The following CSMD1 variants were observed in gnomAD, a reference collection of about 807,000 sequenced individuals.
CSMD1 encodes the protein CUB and sushi domain-containing protein 1.
In CSMD1, 213 loss-of-function variants were observed where a neutral mutation model predicts 417.5. That is an observed-to-expected ratio of 0.51 (90% CI 0.46 to 0.57). The LOEUF (loss-of-function observed/expected upper bound fraction) is 0.57, where lower values mean the gene tolerates loss of function less well. Ranked by LOEUF, CSMD1 falls within the 20% of genes least tolerant of loss-of-function variation. The probability of loss-of-function intolerance (pLI) is 0.00; values close to 1 mark genes in which losing one functional copy is unlikely to be tolerated. For missense variants in CSMD1, 6,923 were observed against 4,529.7 expected (o/e 1.53, Z -15.17); for synonymous variants, 2,862 against 1,736.8 (o/e 1.65, Z -16.11).
chr8:4,440,946 G>C (rs560212303), intron 2 of CSMD1, among the ~76,000 whole-genome samples: 35 of 150,678 alleles, frequency 2.3e-4, no homozygotes, highest in African/African-American at 8.5e-4. Flanking sequence ...GCAGCGAGCC[G>C]AGATCATGCC....
At chr8:4,103,328 C>G (rs1048866391) in intron 3 of CSMD1, among the ~76,000 whole-genome samples, 1 of 151,278 alleles carries the variant, frequency 6.6e-6, no homozygotes, top group African/African-American at 2.4e-5. Context: ...CATCAATATT[C>G]TCCAGAGTAG....
intron 3 of CSMD1, among the ~76,000 whole-genome samples, chr8:4,264,850 A>T (rs1804140606): frequency 6.6e-6 from 1 of 152,208 alleles, no homozygotes; most frequent in South Asian, 2.1e-4. Context: ...TCAATCCTAG[A>T]TGAGTAAATT....
chr8:3,715,762 C>A (rs1446954201), intron 6 of CSMD1, among the ~76,000 whole-genome samples: 2 of 152,138 alleles, frequency 1.3e-5, no homozygotes, highest in Non-Finnish European at 2.9e-5. Flanking sequence ...AAACTGGTCT[C>A]AAACTCCCGA....
chr8:4,816,960 C>A (rs1186126480), intron 1 of CSMD1, among the ~76,000 whole-genome samples: 1 of 152,220 alleles, frequency 6.6e-6, no homozygotes, highest in East Asian at 1.9e-4. Context: ...AGGACAGCTA[C>A]CATTTAACAG....
At chr8:4,716,197 T>C (rs952190937) in intron 1 of CSMD1, among the ~76,000 whole-genome samples, 34 of 152,258 alleles carry the variant, frequency 2.2e-4, no homozygotes, top group Middle Eastern at 3.4e-3. Context: ...CGCCACCCAA[T>C]GGGGACTGCT....
intron 5 of CSMD1, among the ~76,000 whole-genome samples, chr8:3,899,013 G>C (rs1047943935): frequency 4.6e-5 from 7 of 152,168 alleles, no homozygotes; most frequent in Non-Finnish European, 8.8e-5. Context: ...TGTGCTAGAA[G>C]CCACAAAGGT....
chr8:4,874,776 A>AATAGAG (rs898938490), intron 1 of CSMD1, among the ~76,000 whole-genome samples: 3 of 151,180 alleles, frequency 2.0e-5, no homozygotes, highest in Non-Finnish European at 2.9e-5. Context: ...GACAGAAAGA[A>AATAGAG]ATAGAGATAG....
intron 6 of CSMD1, among the ~76,000 whole-genome samples, chr8:3,709,367 G>A (rs1050868827): frequency 6.6e-6 from 1 of 152,134 alleles, no homozygotes; most frequent in East Asian, 1.9e-4. Flanking sequence ...GTGGCCCCAT[G>A]ACCTAGGTAA....
At chr8:4,321,657 G>T (rs867580789) in intron 3 of CSMD1, among the ~76,000 whole-genome samples, 1 of 152,146 alleles carries the variant, frequency 6.6e-6, no homozygotes, top group Non-Finnish European at 1.5e-5. Flanking sequence ...TAGTGGTAAA[G>T]ATAAAAGAGC....
chr8:3,592,931 T>C (rs567131459), intron 8 of CSMD1, among the ~76,000 whole-genome samples: 29 of 152,058 alleles, frequency 1.9e-4, no homozygotes, highest in African/African-American at 6.7e-4. Context: ...GTGGAATCGA[T>C]GAGTTGCCCA....
chr8:2,996,584 C>T (rs1806918457), intron 54 of CSMD1, among the ~76,000 whole-genome samples: 1 of 152,212 alleles, frequency 6.6e-6, no homozygotes, highest in African/African-American at 2.4e-5. Context: ...TCACCGCTAG[C>T]TCTCTTGAGC....
chr8:4,434,923 A>G (rs1341282887), intron 2 of CSMD1, among the ~76,000 whole-genome samples: 1 of 152,218 alleles, frequency 6.6e-6, no homozygotes, highest in African/African-American at 2.4e-5. Flanking sequence ...TCTGCATGAC[A>G]AAGTGACAAC....
At chr8:3,741,150 G>A (rs7005524) in intron 6 of CSMD1, among the ~76,000 whole-genome samples, 41,754 of 148,954 alleles carry the variant, frequency 0.28, 6,786 homozygotes, top group East Asian at 0.48. Context: ...GGAGGTGGAG[G>A]TTGCAGTGAG....
rs573338135 is a variant in CSMD1, at chr8:3,525,684, A to G, written c.1345-31958T>C. Among the ~76,000 whole-genome samples, 65 of 152,310 alleles carry G rather than the reference A, an allele frequency of 4.3e-4. 1 individual carries two copies. Among genetic ancestry groups the G allele is most frequent in the Admixed American group, 3.9e-3 (60 of 15,302 alleles). ...AATCAATGGAATTAAATGCTGCTCT[A>G]TGTACCCAGCTTCCTATGAACCACT... On this transcript the variant is annotated intron_variant, in intron 10 of 69. Coordinates refer to ENST00000635120, the MANE Select transcript of CSMD1 (RefSeq NM_033225.6).
chr8:3,874,339 G>C (rs572008017), intron 5 of CSMD1, among the ~76,000 whole-genome samples: 1 of 152,084 alleles, frequency 6.6e-6, no homozygotes, highest in African/African-American at 2.4e-5. Context: ...TCTAAAGTGA[G>C]GTTTTGAAAA....
chr8:4,139,304 C>T (rs377456528), intron 3 of CSMD1, among the ~76,000 whole-genome samples: 24 of 151,396 alleles, frequency 1.6e-4, no homozygotes, highest in African/African-American at 5.6e-4. Context: ...TTACAGCTGT[C>T]GTTATACTTA....
At position 2,937,671 on chromosome 8, in the gene CSMD1, T is replaced by C. The variant is rs890719097; in HGVS notation, c.*914A>G. 2 of 152,214 alleles carry C rather than the reference T, an allele frequency of 1.3e-5. No homozygotes were observed. The highest frequency in any genetic ancestry group is 2.4e-5 in the African/African-American group (1 of 41,450). 9.4% of individuals were successfully genotyped at this position (152,214 alleles called of 1,614,324 possible). On this transcript the variant is annotated 3_prime_UTR_variant, in exon 70 of 70. Transcript: ENST00000635120. ...TAAGGAGGCTTCTGTTTTTTTCTCATTGGACCTCTTCAATGAATTCAACAC... is the reference window on the plus strand; with the variant it reads ...TAAGGAGGCTTCTGTTTTTTTCTCACTGGACCTCTTCAATGAATTCAACAC...
intron 2 of CSMD1, among the ~76,000 whole-genome samples, chr8:4,472,775 T>A (rs546686343): frequency 2.6e-4 from 40 of 152,162 alleles, no homozygotes; most frequent in African/African-American, 9.6e-4. Context: ...AAAGTTATTT[T>A]AAAATACCAT....
intron 5 of CSMD1, among the ~76,000 whole-genome samples, chr8:3,941,592 A>G (rs757852137): frequency 1.3e-5 from 2 of 152,158 alleles, no homozygotes; most frequent in Non-Finnish European, 2.9e-5. Flanking sequence ...ATTTCTATTA[A>G]TAATAAGCAT....
Sources: gnomAD v4.1 joint callset for allele counts (sites outside exome capture counted in the v4.1 genomes callset) on GRCh38, gnomAD v4.1.1 for gene constraint, MANE v1.5 for transcripts, NCBI Gene and HGNC (gene_info 2026-07-23, HGNC 2026-07-21) for gene names.